Variants in IRAK3 observed in about 807,000 individuals in gnomAD.
IRAK3 encodes interleukin 1 receptor associated kinase 3, also known as interleukin-1 receptor-associated kinase 3.
IRAK3 carries 57 observed loss-of-function variants against 56.6 expected under a neutral mutation model. The observed-to-expected ratio is 1.01, with a 90% CI of 0.81 to 1.26. The LOEUF (loss-of-function observed/expected upper bound fraction) is 1.26, where lower values mean the gene tolerates loss of function less well. IRAK3 is among the 50% of genes most tolerant of loss of function. IRAK3 has a pLI of 0.00. For missense variants in IRAK3, 703 were observed against 719.0 expected, an observed-to-expected ratio of 0.98 and a Z score of 0.25; for synonymous variants, 258 against 255.7, an observed-to-expected ratio of 1.01 and a Z score of -0.09.
At chr12:66,235,475 C>G (rs1455088061) in intron 8 of IRAK3, among the ~76,000 whole-genome samples, 1 of 151,576 alleles carries the variant, frequency 6.6e-6, no homozygotes, top group South Asian at 2.1e-4. Flanking sequence ...CCTCCGCACT[C>G]GTCTAAAAGT....
chr12:66,218,717 C>T (rs1337525390), intron 6 of IRAK3, among the ~76,000 whole-genome samples: 2 of 152,122 alleles, frequency 1.3e-5, no homozygotes, highest in African/African-American at 4.8e-5. Flanking sequence ...GTCTAAAGAT[C>T]ACCACAATCA....
intron 1 of IRAK3, chr12:66,197,111 G>C: frequency 7.6e-7 from 1 of 1,307,908 alleles, no homozygotes. Flanking sequence ...GAACTTCTTA[G>C]GTTGACTTTT....
rs190941786 is a variant in IRAK3 at position 66,217,368 on chromosome 12, T to G, written c.653+133T>G. ...TTGGATGTTAGAACTTCGAATAAAT[T>G]TTGATATCTGCTTTAGTATATTCCT... On this transcript the variant is annotated intron_variant, in intron 6 of 11. Transcript: ENST00000261233. The G allele has an allele frequency of 1.0e-5, 8 of 769,518 alleles. No homozygotes were observed. The East Asian group carries it at 2.0e-4, about 19-fold the overall frequency. 47.7% of individuals were successfully genotyped at this position (769,518 alleles called of 1,614,324 possible).
At position 66,211,561 on chromosome 12, in the gene IRAK3, T is replaced by G; in HGVS notation, c.552T>G (p.Ile184Met). The G allele has an allele frequency of 6.2e-7, 1 of 1,612,512 alleles. No individual in the cohort carries two copies. The highest frequency in any genetic ancestry group is 1.3e-5 in the African/African-American group (1 of 75,020). ...GEIFEVYRVEIQNLTYAVKLF... is the reference protein window; with the variant it reads ...GEIFEVYRVEMQNLTYAVKLF... ...TTTTTGAGGTATACAGAGTGGAGATTCAAAACCTAACATATGCTGTCAAAT... is the reference window on the plus strand; with the variant it reads ...TTTTTGAGGTATACAGAGTGGAGATGCAAAACCTAACATATGCTGTCAAAT... Residue 184 changes from isoleucine (I) to methionine (M), a missense_variant, in exon 5 of 12, where the codon ATT becomes ATG. By Grantham distance (10) the Ile-to-Met change is conservative (BLOSUM62 1). Coordinates refer to ENST00000261233, the MANE Select transcript of IRAK3 (RefSeq NM_007199.3).
At chr12:66,203,190 A>G (rs1027104450) in intron 1 of IRAK3, among the ~76,000 whole-genome samples, 6 of 152,220 alleles carry the variant, frequency 3.9e-5, no homozygotes, top group African/African-American at 1.4e-4. Flanking sequence ...CGAAATATTT[A>G]TTAATTATAA....
intron 7 of IRAK3, 51 bp from the exon 8 acceptor site, chr12:66,228,201 G>A (rs1301925598): frequency 2.5e-6 from 3 of 1,208,854 alleles, no homozygotes; most frequent in Non-Finnish European, 3.7e-6. Flanking sequence ...GAATACATAG[G>A]TAGTTTTTAC....
At chr12:66,226,324 C>T (rs1337399598) in intron 6 of IRAK3, among the ~76,000 whole-genome samples, 1 of 151,964 alleles carries the variant, frequency 6.6e-6, no homozygotes, top group Non-Finnish European at 1.5e-5. Context: ...TCACGGCAAC[C>T]TCCGCCTTCC....
rs754712294 is a variant in IRAK3, at chr12:66,200,754, A to G, written c.134-2957A>G. On this transcript the variant is annotated intron_variant, in intron 1 of 11. Transcript: ENST00000261233. ...TTCTGCTGGCTTGATTTCAAATATT[A>G]TAACTGGTGTAGAAACTCCCTAAGA... 1.2e-4 allele frequency among the ~76,000 whole-genome samples: 18 copies of G among 152,316 alleles called. 1 individual carries two copies. Among genetic ancestry groups the G allele is most frequent in the South Asian group, 8.3e-4 (4 of 4,826 alleles).
Position 66,249,792 on chromosome 12 carries a change from T to C in IRAK3, c.*1621T>C, listed in dbSNP as rs922678991. On this transcript the variant is annotated 3_prime_UTR_variant, in exon 12 of 12. Coordinates refer to ENST00000261233, the MANE Select transcript of IRAK3 (RefSeq NM_007199.3). ...TTCCTCTCATTCTGGCCCTTCTGCA[T>C]GTCTTTTATAAAGACCTTTGTGATT... The C allele has an allele frequency of 1.3e-5, 2 of 152,234 alleles. No individual in the cohort carries two copies. The highest frequency in any genetic ancestry group is 2.9e-5 in the Non-Finnish European group (2 of 68,036). 9.4% of individuals were successfully genotyped at this position (152,234 alleles called of 1,614,324 possible). A position where few individuals can be genotyped will look rare whatever the true frequency, so the allele number is the denominator to read the frequency against.
At chr12:66,194,900 G>A (rs527298701) in intron 1 of IRAK3, among the ~76,000 whole-genome samples, 11 of 151,026 alleles carry the variant, frequency 7.3e-5, no homozygotes, top group South Asian at 2.1e-4. Flanking sequence ...ATGTCTTAGC[G>A]TGCCCCTGGG....
chr12:66,198,981 C>T (rs2052482222), intron 1 of IRAK3, among the ~76,000 whole-genome samples: 1 of 152,112 alleles, frequency 6.6e-6, no homozygotes, highest in Non-Finnish European at 1.5e-5. Context: ...TGGTCTTAAA[C>T]TCCTGGGCTC....
intron 5 of IRAK3, among the ~76,000 whole-genome samples, chr12:66,215,786 G>GCGCACACACACACA (rs1555203499): frequency 8.1e-5 from 10 of 122,910 alleles, no homozygotes; most frequent in African/African-American, 3.1e-4. Context: ...AACCCAACAT[G>GCGCACACACACACA]CACACACACA....
Position 66,251,933 on chromosome 12 carries a change from G to A in IRAK3, c.*3762G>A, listed in dbSNP as rs913975417. ...TAAATGCTGAAAGGGTGAGAAGAAG[G>A]AATAGATTACTATGCATTTTTGAGA... is the stretch of plus-strand genomic sequence containing the variant. On this transcript the variant is annotated 3_prime_UTR_variant, in exon 12 of 12. Coordinates refer to ENST00000261233, the MANE Select transcript of IRAK3 (RefSeq NM_007199.3). 1 of 152,180 alleles carries A rather than the reference G, an allele frequency of 6.6e-6. No individual in the cohort carries two copies. Among genetic ancestry groups the A allele is most frequent in the Non-Finnish European group, 1.5e-5 (1 of 68,054 alleles). 9.4% of individuals were successfully genotyped at this position (152,180 alleles called of 1,614,324 possible).
At chr12:66,196,818 A>G in intron 1 of IRAK3, 1 of 1,423,172 alleles carries the variant, frequency 7.0e-7, no homozygotes, top group South Asian at 1.5e-5. Context: ...CTTTTAAAAA[A>G]TTGTCTAATT....
intron 1 of IRAK3, among the ~76,000 whole-genome samples, chr12:66,194,713 C>T (rs1318775845): frequency 6.6e-6 from 1 of 151,658 alleles, no homozygotes; most frequent in Non-Finnish European, 1.5e-5. Context: ...CCTGTAATCT[C>T]AGCTACTTGG....
Position 66,244,665 on chromosome 12 carries a change from A to G in IRAK3, c.1067A>G (p.Asp356Gly). The change falls in exon 9 of 12, where the codon GAT becomes GGT. Residue 356 changes from aspartate to glycine, a missense_variant. Asp to Gly is a moderately conservative substitution (Grantham distance 94, BLOSUM62 -1). Transcript: ENST00000261233. The stretch of plus-strand genomic sequence containing the variant: ...CAGGGGAAACTTTCCATTAAAACAG[A>G]TGTCTACAGCTTTGGAATTGTGAGT... The part of the protein sequence containing the change: ...IRQGKLSIKT[D>G]VYSFGIVIME... The G allele has an allele frequency of 6.2e-7, 1 of 1,613,804 alleles. No individual in the cohort carries two copies. Among genetic ancestry groups the G allele is most frequent in the South Asian group, 1.1e-5 (1 of 91,080 alleles).
At chr12:66,235,311 G>A in intron 8 of IRAK3, 2 of 1,242,586 alleles carry the variant, frequency 1.6e-6, no homozygotes, top group Non-Finnish European at 2.0e-6. Flanking sequence ...GGCGGCGGGC[G>A]CGGGCGCGGG....
intron 6 of IRAK3, among the ~76,000 whole-genome samples, chr12:66,224,707 G>A (rs2052768353): frequency 6.6e-6 from 1 of 151,986 alleles, no homozygotes; most frequent in African/African-American, 2.4e-5. Context: ...TTTAATTACT[G>A]ATTACAGTTA....
Position 66,230,984 on chromosome 12 carries a change from A to G in IRAK3, c.887+2614A>G, listed in dbSNP as rs192023345. 2.6e-3 allele frequency among the ~76,000 whole-genome samples: 401 copies of G among 152,252 alleles called. 5 individuals carry two copies. Among genetic ancestry groups the G allele is most frequent in the African/African-American group, 9.3e-3 (385 of 41,544 alleles). ...TGTTAGTAGTAGAATAATAGCTTCT[A>G]TCTCCTAGGGTTAAATGGCATAAGG... On this transcript the variant is annotated intron_variant, in intron 8 of 11. Transcript: ENST00000261233.
Sources: allele counts gnomAD v4.1 joint callset (sites outside exome capture counted in the v4.1 genomes callset), GRCh38; gene constraint gnomAD v4.1.1; transcripts MANE v1.5; gene names NCBI Gene and HGNC (gene_info 2026-07-23, HGNC 2026-07-21).